The following KIAA1755 variants were observed in gnomAD, a reference collection of about 807,000 sequenced individuals.
KIAA1755 encodes the protein KIAA1755.
Under a neutral mutation model 91.7 loss-of-function variants are expected in KIAA1755, and 68 were observed. The ratio of observed to expected loss-of-function variants is 0.74; its 90% confidence interval spans 0.61 to 0.91. The LOEUF is 0.91. KIAA1755 is among the 40% of genes least tolerant of loss of function. KIAA1755 has a pLI of 0.00. For synonymous variants in KIAA1755, 610 were observed against 604.6 expected (o/e 1.01, Z -0.13); for missense variants, 1,535 against 1,494.4 (o/e 1.03, Z -0.45).
intron 8 of KIAA1755, 115 bp from the exon 9 acceptor site, chr20:38,223,751 G>A (rs925056279): frequency 7.3e-6 from 5 of 687,874 alleles, no homozygotes; most frequent in African/African-American, 3.8e-5. Flanking sequence ...AACTCCAGGT[G>A]CATCAGAAGC....
chr20:38,257,618 T>G (rs2076362060), intron 1 of KIAA1755, among the ~76,000 whole-genome samples: 1 of 151,386 alleles, frequency 6.6e-6, no homozygotes, highest in Non-Finnish European at 1.5e-5. Context: ...CGTGACCAGT[T>G]TTTCTCACAG....
At chr20:38,243,962 GGCATGGATCTCCAAA>G (rs1167038191) in intron 2 of KIAA1755, among the ~76,000 whole-genome samples, 1 of 152,116 alleles carries the variant, frequency 6.6e-6, no homozygotes, top group Non-Finnish European at 1.5e-5. Context: ...TCAGAGAGGT[GGCATGGATCTCCAAA>G]GTTCACAGTG....
chr20:38,240,748 G>A lies in KIAA1755; in HGVS notation c.1383C>T (p.Thr461=). The A allele has an allele frequency of 6.3e-7, 1 of 1,582,538 alleles. No homozygotes were observed. Among genetic ancestry groups the A allele is most frequent in the Non-Finnish European group, 8.6e-7 (1 of 1,163,842 alleles). Residue 461 remains threonine, a synonymous_variant, in exon 3 of 14, where the codon ACC becomes ACT. Transcript: ENST00000279024. ...PKPMPCPSRN[T]SSPEPPTPGL... ...CAGGAGTGGGGGGCTCAGGGGAGGA[G>A]GTGTTTCTGCTAGGGCAGGGCATGG... is the stretch of plus-strand genomic sequence containing the variant.
chr20:38,247,970 T>G (rs946342645), intron 1 of KIAA1755, among the ~76,000 whole-genome samples: 1 of 152,152 alleles, frequency 6.6e-6, no homozygotes, highest in African/African-American at 2.4e-5. Flanking sequence ...GGCTCATGCC[T>G]GTATCCCAGC....
intron 5 of KIAA1755, among the ~76,000 whole-genome samples, chr20:38,229,272 C>A (rs1275189910): frequency 6.6e-6 from 1 of 152,154 alleles, no homozygotes; most frequent in Non-Finnish European, 1.5e-5. Flanking sequence ...ATAGTACCGG[C>A]CTTATGGGCT....
chr20:38,230,337 A>G (rs2075836823), intron 5 of KIAA1755, among the ~76,000 whole-genome samples: 1 of 152,188 alleles, frequency 6.6e-6, no homozygotes, highest in South Asian at 2.1e-4. Flanking sequence ...TATAATTCAG[A>G]TGACAGCTCA....
In KIAA1755 at chr20:38,240,724, AGGAGTGGG is replaced by A. The variant is rs2076042778; in HGVS notation, c.1399_1406del (p.Pro467TrpfsTer38). On this transcript the variant is annotated frameshift_variant, in exon 3 of 14. Coordinates refer to ENST00000279024, the MANE Select transcript of KIAA1755 (RefSeq NM_001029864.2). LOFTEE classifies it high-confidence loss of function. ...CTCTCAAGAATGAGAATTTGAGCCC[AGGAGTGGG>A]GGGCTCAGGGGAGGAGGTGTTTCTG... 1.3e-6 allele frequency: 2 copies of A among 1,568,934 alleles called. No homozygotes were observed. Among genetic ancestry groups the A allele is most frequent in the African/African-American group, 2.7e-5 (2 of 73,348 alleles).
At chr20:38,219,101 C>T (rs1223107781) in intron 11 of KIAA1755, among the ~76,000 whole-genome samples, 4 of 152,150 alleles carry the variant, frequency 2.6e-5, no homozygotes, top group African/African-American at 9.7e-5. Flanking sequence ...GGCCACACCA[C>T]GAGTAAGTGC....
chr20:38,251,983 C>A (rs767699947), intron 1 of KIAA1755, among the ~76,000 whole-genome samples: 1 of 152,182 alleles, frequency 6.6e-6, no homozygotes, highest in Non-Finnish European at 1.5e-5. Flanking sequence ...GATCAAGAGA[C>A]AAAAGAGCTC....
chr20:38,240,509 A>T (rs2076036376), intron 3 of KIAA1755, 73 bp downstream of exon 3: 1 of 1,409,104 alleles, frequency 7.1e-7, no homozygotes, highest in Admixed American at 2.7e-5. Flanking sequence ...ATCACTTACA[A>T]CCAAAACCAC....
At chr20:38,222,833 C>T (rs1047340680) in intron 9 of KIAA1755, 11 of 594,120 alleles carry the variant, frequency 1.9e-5, no homozygotes, top group African/African-American at 7.4e-5. Context: ...CCAGCCTCTT[C>T]GCTGATCTCC....
rs922296082 is a variant in KIAA1755, at chr20:38,241,232, C to T, written c.899G>A (p.Cys300Tyr). The T allele has an allele frequency of 2.5e-6, 4 of 1,614,030 alleles. No homozygotes were observed. The highest frequency in any genetic ancestry group is 1.3e-5 in the African/African-American group (1 of 74,906). ...TATCTCCTCTAGTGCCCCAGAAGTA[C>T]ACCCACTGGATGTGCCTGCCTCCCT... ...PSREAGTSSG[C>Y]TSGALEEIAG... Residue 300 changes from cysteine (C) to tyrosine (Y), a missense_variant, in exon 3 of 14, where the codon TGT (cysteine) becomes TAT (tyrosine). By Grantham distance (194) the Cys-to-Tyr change is radical. Transcript: ENST00000279024.
chr20:38,246,546 G>A (rs947357238), intron 1 of KIAA1755, among the ~76,000 whole-genome samples: 1 of 152,236 alleles, frequency 6.6e-6, no homozygotes, highest in African/African-American at 2.4e-5. Flanking sequence ...CAGGCCTGCA[G>A]CCTGAAGCTG....
intron 1 of KIAA1755, among the ~76,000 whole-genome samples, chr20:38,257,743 G>C (rs928526014): frequency 6.6e-6 from 1 of 152,018 alleles, no homozygotes; most frequent in Non-Finnish European, 1.5e-5. Context: ...CCTCAGTCTG[G>C]AGCCAGTCTA....
chr20:38,257,985 C>T (rs540318421), intron 1 of KIAA1755, among the ~76,000 whole-genome samples: 14 of 151,948 alleles, frequency 9.2e-5, no homozygotes, highest in East Asian at 3.9e-4. Context: ...CTGCAACCTC[C>T]GCCTCCGGGG....
chr20:38,242,037 G>C (rs936249294), intron 2 of KIAA1755, 108 bp from the exon 3 acceptor site: 3 of 1,129,572 alleles, frequency 2.7e-6, no homozygotes, highest in Non-Finnish European at 2.5e-6. Flanking sequence ...TCAGGGACTA[G>C]GATGAGGCAG....
intron 3 of KIAA1755, 60 bp downstream of exon 3, chr20:38,240,522 A>C: frequency 7.0e-7 from 1 of 1,419,808 alleles, no homozygotes; most frequent in Non-Finnish European, 9.2e-7. Flanking sequence ...AAAACCACCT[A>C]AAATGTGATC....
At chr20:38,246,804 C>G (rs968794482) in intron 1 of KIAA1755, among the ~76,000 whole-genome samples, 1 of 152,216 alleles carries the variant, frequency 6.6e-6, no homozygotes, top group Non-Finnish European at 1.5e-5. Flanking sequence ...GCTCCTCCCC[C>G]AGTCCTACCT....
At chr20:38,255,891 T>G (rs1568784555) in intron 1 of KIAA1755, among the ~76,000 whole-genome samples, 1 of 152,062 alleles carries the variant, frequency 6.6e-6, no homozygotes, top group Non-Finnish European at 1.5e-5. Context: ...TTTCTCTCCC[T>G]CTCCCCTTTT....
Sources: gnomAD v4.1 joint callset for allele counts (sites outside exome capture counted in the v4.1 genomes callset) on GRCh38, gnomAD v4.1.1 for gene constraint, MANE v1.5 for transcripts, NCBI Gene and HGNC (gene_info 2026-07-23, HGNC 2026-07-21) for gene names.